The following DNAJC1 variants were observed in gnomAD, a reference collection of about 807,000 sequenced individuals.
DNAJC1 encodes the protein dnaJ homolog subfamily C member 1.
In DNAJC1, 58 loss-of-function variants were observed where a neutral mutation model predicts 76.6. The ratio of observed to expected loss-of-function variants is 0.76; its 90% CI spans 0.61 to 0.94. DNAJC1 has a LOEUF of 0.94. Among genes scored for constraint, DNAJC1 ranks in the 40% least tolerant of loss-of-function variants. The pLI is 0.00. For missense variants in DNAJC1, 689 were observed against 677.3 expected (o/e 1.02, Z -0.19); for synonymous variants, 258 against 267.9 (o/e 0.96, Z 0.36).
At chr10:21,768,698 C>A (rs1834331535) in intron 9 of DNAJC1, among the ~76,000 whole-genome samples, 1 of 152,198 alleles carries the variant, frequency 6.6e-6, no homozygotes, top group African/African-American at 2.4e-5. Flanking sequence ...GACCTTGCTT[C>A]CTATTTAATG....
intron 8 of DNAJC1, among the ~76,000 whole-genome samples, chr10:21,811,846 T>C (rs767917544): frequency 6.4e-4 from 98 of 152,300 alleles, no homozygotes; most frequent in Non-Finnish European, 7.5e-4. Context: ...GCTAAGGTCA[T>C]TGGGAAAACG....
At position 21,816,600 on chromosome 10, in the gene DNAJC1, C is replaced by T. The variant is rs1835081550; in HGVS notation, c.979-10501G>A. Among the ~76,000 whole-genome samples the T allele has an allele frequency of 6.1e-5, 9 of 147,858 alleles. No individual in the cohort carries two copies. The South Asian group carries it at 1.9e-3, about 32-fold the overall frequency. ...TCGCTCTGTCACCCAGGCTGGAGTG[C>T]AGTGGTGCGATCTCCGCTCACTGAA... On this transcript the variant is annotated intron_variant, in intron 8 of 11. Transcript: ENST00000376980.
chr10:21,834,683 T>G (rs994806763), intron 8 of DNAJC1, among the ~76,000 whole-genome samples: 3 of 152,218 alleles, frequency 2.0e-5, no homozygotes, highest in African/African-American at 7.2e-5. Context: ...ATCCCGCACC[T>G]GGTTCAGAGG....
chr10:21,924,442 G>A (rs1218337972), intron 3 of DNAJC1, among the ~76,000 whole-genome samples: 1 of 151,976 alleles, frequency 6.6e-6, no homozygotes, highest in Non-Finnish European at 1.5e-5. Context: ...GTTAGCAAAA[G>A]AAGACTGGTT....
intron 8 of DNAJC1, among the ~76,000 whole-genome samples, chr10:21,869,955 GTATTT>G (rs1590023913): frequency 1.3e-5 from 2 of 151,824 alleles, no homozygotes; most frequent in African/African-American, 2.4e-5. Flanking sequence ...AAAAAAATTC[GTATTT>G]TATAAGTCAA....
intron 10 of DNAJC1, among the ~76,000 whole-genome samples, chr10:21,764,506 A>AT (rs1834273612): frequency 6.6e-6 from 1 of 152,190 alleles, no homozygotes; most frequent in Non-Finnish European, 1.5e-5. Flanking sequence ...GTAGAAGGTC[A>AT]TTTTCCCCTG....
chr10:21,847,410 A>T (rs2131684770), intron 8 of DNAJC1, among the ~76,000 whole-genome samples: 1 of 152,322 alleles, frequency 6.6e-6, no homozygotes, highest in East Asian at 1.9e-4. Flanking sequence ...GATATCCATC[A>T]CTTGAAAAAT....
intron 11 of DNAJC1, 101 bp from the exon 12 acceptor site, chr10:21,756,856 G>A (rs1199271775): frequency 4.7e-6 from 5 of 1,070,736 alleles, no homozygotes; most frequent in African/African-American, 1.6e-5. Context: ...AGAGCCTCAC[G>A]TCCAGTCCCT....
intron 8 of DNAJC1, among the ~76,000 whole-genome samples, chr10:21,866,504 T>C (rs1836004683): frequency 6.6e-6 from 1 of 152,036 alleles, no homozygotes; most frequent in Non-Finnish European, 1.5e-5. Context: ...GATATAAAAA[T>C]GTGAAATTCA....
At chr10:21,883,294 AC>A (rs1185417428) in intron 7 of DNAJC1, among the ~76,000 whole-genome samples, 1 of 149,440 alleles carries the variant, frequency 6.7e-6, no homozygotes. Context: ...ACACACACAC[AC>A]CATTTTAACT....
chr10:21,781,028 T>C (rs150080804), intron 9 of DNAJC1, among the ~76,000 whole-genome samples: 355 of 152,304 alleles, frequency 2.3e-3, no homozygotes, highest in Middle Eastern at 0.014. Flanking sequence ...AGGGATCAAT[T>C]CAACAAGAAG....
chr10:21,769,208 G>C (rs10740991), intron 9 of DNAJC1, among the ~76,000 whole-genome samples: 118,535 of 152,140 alleles, frequency 0.78, 47,110 homozygotes, highest in East Asian at 0.99. Context: ...GATTAACCTA[G>C]GTCTCTGGCC....
intron 1 of DNAJC1, among the ~76,000 whole-genome samples, chr10:21,944,398 T>C (rs941188816): frequency 6.6e-5 from 10 of 152,176 alleles, no homozygotes; most frequent in Non-Finnish European, 1.3e-4. Flanking sequence ...TCTTCAAAGA[T>C]TGTCAGGGAA....
intron 8 of DNAJC1, among the ~76,000 whole-genome samples, chr10:21,832,319 T>G (rs1023783381): frequency 2.0e-5 from 3 of 152,214 alleles, no homozygotes; most frequent in African/African-American, 7.2e-5. Flanking sequence ...TTCTATGTGC[T>G]TCCCTGGTTT....
intron 9 of DNAJC1, among the ~76,000 whole-genome samples, chr10:21,805,604 A>C (rs190575571): frequency 2.4e-3 from 365 of 152,250 alleles, no homozygotes; most frequent in Non-Finnish European, 4.2e-3. Context: ...CTAAATAGCA[A>C]TCGCAATCTG....
rs756879535 is a variant in DNAJC1, at chr10:21,941,633, CTGTT to C, written c.223-12496_223-12493del. On this transcript the variant is annotated intron_variant, in intron 1 of 11. Coordinates refer to ENST00000376980, the MANE Select transcript of DNAJC1 (RefSeq NM_022365.4). Reference sequence around the variant, plus strand: ...ATTCATTAAACTATTCTCTCTACTACTGTTTGTTTTAAGTTTTTCATAATAAAAA... The same window carrying C: ...ATTCATTAAACTATTCTCTCTACTACTGTTTTAAGTTTTTCATAATAAAAA... 1.1e-3 allele frequency among the ~76,000 whole-genome samples: 162 copies of C among 152,038 alleles called. 1 individual carries two copies. Among genetic ancestry groups the C allele is most frequent in the Non-Finnish European group, 1.8e-3 (122 of 67,972 alleles).
At chr10:21,949,631 G>A (rs1007407784) in intron 1 of DNAJC1, among the ~76,000 whole-genome samples, 17 of 151,782 alleles carry the variant, frequency 1.1e-4, no homozygotes, top group African/African-American at 4.1e-4. Context: ...TGCCCAGGCT[G>A]GTTTCGAACT....
intron 7 of DNAJC1, among the ~76,000 whole-genome samples, chr10:21,884,952 C>T (rs1836345922): frequency 6.6e-6 from 1 of 152,028 alleles, no homozygotes; most frequent in Non-Finnish European, 1.5e-5. Flanking sequence ...AAATCAACCA[C>T]ACAAACAAGC....
chr10:21,815,087 T>C (rs1335914185), intron 8 of DNAJC1, among the ~76,000 whole-genome samples: 2 of 152,158 alleles, frequency 1.3e-5, no homozygotes, highest in African/African-American at 2.4e-5. Context: ...GCTCTCAAGA[T>C]TGAAACAGAT....
Sources: gnomAD v4.1 joint callset for allele counts (sites outside exome capture counted in the v4.1 genomes callset) on GRCh38, gnomAD v4.1.1 for gene constraint, MANE v1.5 for transcripts, NCBI Gene and HGNC (gene_info 2026-07-23, HGNC 2026-07-21) for gene names.